Variants in LRGUK observed in about 807,000 individuals in gnomAD.
LRGUK encodes leucine-rich repeat and guanylate kinase domain-containing protein.
In LRGUK, 65 loss-of-function variants were observed where a neutral mutation model predicts 76.0. The ratio of observed to expected loss-of-function variants is 0.85; its 90% CI spans 0.70 to 1.05. The LOEUF is 1.05. Ranked by LOEUF, LRGUK falls within the 50% of genes least tolerant of loss-of-function variation. The probability of loss-of-function intolerance (pLI) is 0.00; values close to 1 mark genes in which losing one functional copy is unlikely to be tolerated. For missense variants in LRGUK, 758 were observed against 732.8 expected, an observed-to-expected ratio of 1.03 and a Z score of -0.40; for synonymous variants, 268 against 265.6, an observed-to-expected ratio of 1.01 and a Z score of -0.09.
intron 15 of LRGUK, 25 bp downstream of exon 15, chr7:134,201,601 A>G: frequency 1.3e-6 from 2 of 1,560,816 alleles, no homozygotes; most frequent in Non-Finnish European, 1.7e-6. Flanking sequence ...TTTTTGTGCC[A>G]GGATTTTTTT....
intron 16 of LRGUK, among the ~76,000 whole-genome samples, chr7:134,226,217 AATGTGTGTGTGTGT>A (rs1447459902): frequency 2.2e-5 from 2 of 92,180 alleles, no homozygotes; most frequent in Non-Finnish European, 4.0e-5. Flanking sequence ...TCCCATCTCC[AATGTGTGTGTGTGT>A]GTGTGTGTGT....
In LRGUK at chr7:134,186,434, C is replaced by G. The variant is rs550830512; in HGVS notation, c.1334+2581C>G. On this transcript the variant is annotated intron_variant, in intron 11 of 15. Coordinates refer to ENST00000645682, the Ensembl canonical transcript of LRGUK. ...CAGGGCGCATGTCAGCCTTGTTCAC[C>G]ATTGAGTTCTCAATATCCAGTATAT... Among the ~76,000 whole-genome samples, 5 of 152,326 alleles carry G rather than the reference C, an allele frequency of 3.3e-5. No homozygotes were observed. The East Asian group carries it at 9.7e-4, about 29-fold the overall frequency.
At chr7:134,263,770 A>G (rs1802801160) in intron 19 of LRGUK, 75 bp from the exon 20 acceptor site, 4 of 1,381,480 alleles carry the variant, frequency 2.9e-6, no homozygotes, top group Non-Finnish European at 3.9e-6. Context: ...TCTGGTGCTT[A>G]TATCATGCAA....
chr7:134,167,177 C>G (rs1185951513), intron 7 of LRGUK, among the ~76,000 whole-genome samples: 1 of 152,182 alleles, frequency 6.6e-6, no homozygotes, highest in African/African-American at 2.4e-5. Context: ...TCTTTGGCCT[C>G]CTTACACCCA....
intron 4 of LRGUK, 30 bp downstream of exon 4, chr7:134,143,192 T>G: frequency 7.5e-7 from 1 of 1,326,376 alleles, no homozygotes; most frequent in South Asian, 1.2e-5. Context: ...TAATTACACA[T>G]TAAGGGGTTT....
chr7:134,156,057 A>T lies in LRGUK; in HGVS notation c.671-1978A>T, dbSNP rs529589419. On this transcript the variant is annotated intron_variant, in intron 5 of 15. Transcript: ENST00000645682. ...TTGCAAAATTGCCTCTAAAGTGGCT[A>T]TATCATAATGAACTCTCTCAGTAGT... 2.0e-5 allele frequency among the ~76,000 whole-genome samples: 3 copies of T among 152,336 alleles called. No homozygotes were observed. The East Asian group carries it at 5.8e-4, about 29-fold the overall frequency.
chr7:134,235,735 A>G (rs916924898), intron 16 of LRGUK, among the ~76,000 whole-genome samples: 1 of 152,208 alleles, frequency 6.6e-6, no homozygotes, highest in Non-Finnish European at 1.5e-5. Flanking sequence ...TGTTGAATGA[A>G]TGAAGGAACA....
intron 2 of LRGUK, among the ~76,000 whole-genome samples, chr7:134,137,858 A>G (rs934340266): frequency 1.3e-5 from 2 of 152,066 alleles, no homozygotes; most frequent in African/African-American, 4.8e-5. Context: ...CATATGAGAA[A>G]AAAAAAACGC....
intron 16 of LRGUK, among the ~76,000 whole-genome samples, chr7:134,231,484 C>T (rs1469963222): frequency 6.7e-6 from 1 of 149,978 alleles, no homozygotes; most frequent in African/African-American, 2.5e-5. Flanking sequence ...TGTTTCCTCC[C>T]TCCATTCCTT....
chr7:134,205,040 G>T (rs541221421), intron 15 of LRGUK, among the ~76,000 whole-genome samples: 2 of 152,220 alleles, frequency 1.3e-5, no homozygotes, highest in African/African-American at 4.8e-5. Context: ...TGTTAACAGC[G>T]AAAGGACAAA....
chr7:134,147,556 C>T (rs118093925), intron 4 of LRGUK, among the ~76,000 whole-genome samples: 1 of 152,054 alleles, frequency 6.6e-6, no homozygotes, highest in East Asian at 1.9e-4. Context: ...ATACAGGTTA[C>T]TGGGCAGTAG....
chr7:134,211,458 C>T (rs1801267380), downstream of LRGUK, among the ~76,000 whole-genome samples: 1 of 152,210 alleles, frequency 6.6e-6, no homozygotes, highest in South Asian at 2.1e-4. Context: ...GACAGGAAGA[C>T]TTTGCTGTTC....
intron 15 of LRGUK, among the ~76,000 whole-genome samples, chr7:134,215,656 T>A (rs1355989880): frequency 6.6e-6 from 1 of 152,132 alleles, no homozygotes; most frequent in Non-Finnish European, 1.5e-5. Flanking sequence ...TCCTTGCCTT[T>A]TGCTCCATGA....
downstream of LRGUK, among the ~76,000 whole-genome samples, chr7:134,210,618 C>T (rs1471634490): frequency 2.6e-5 from 4 of 152,318 alleles, no homozygotes; most frequent in Non-Finnish European, 4.4e-5. Context: ...CAGGATAGCT[C>T]GGCTCCTGTG....
chr7:134,145,940 A>G (rs558671958), intron 4 of LRGUK, among the ~76,000 whole-genome samples: 4 of 152,300 alleles, frequency 2.6e-5, no homozygotes, highest in Admixed American at 6.5e-5. Flanking sequence ...CTAGGTTCCA[A>G]TGGGAGTCCA....
chr7:134,157,162 A>G (rs1277276203), intron 5 of LRGUK, among the ~76,000 whole-genome samples: 1 of 152,244 alleles, frequency 6.6e-6, no homozygotes, highest in Non-Finnish European at 1.5e-5. Flanking sequence ...GGCAGAGTTT[A>G]AGCCTCATTG....
chr7:134,254,183 ATTATTTTTTAAAT>A (rs1192562870), intron 18 of LRGUK, among the ~76,000 whole-genome samples: 1 of 152,202 alleles, frequency 6.6e-6, no homozygotes, highest in Non-Finnish European at 1.5e-5. Context: ...ATTTTTTAAA[ATTATTTTTTAAAT>A]GGTGCAAACA....
chr7:134,222,969 T>C (rs1024348194), intron 16 of LRGUK, among the ~76,000 whole-genome samples: 2 of 152,186 alleles, frequency 1.3e-5, no homozygotes, highest in Non-Finnish European at 2.9e-5. Flanking sequence ...GTCAAAAGAA[T>C]CAGACTGATT....
In LRGUK at chr7:134,187,004, T is replaced by C. The variant is rs140771583; in HGVS notation, c.1334+3151T>C. Reference sequence around the variant, plus strand: ...GCACCATCCAACTGTTCACTGTCATTCTCATGAAGGCAGAGGTCAAGGTTT... The same window carrying C: ...GCACCATCCAACTGTTCACTGTCATCCTCATGAAGGCAGAGGTCAAGGTTT... On this transcript the variant is annotated intron_variant, in intron 11 of 15. Transcript: ENST00000645682. 2.2e-3 allele frequency among the ~76,000 whole-genome samples: 342 copies of C among 152,290 alleles called. 2 individuals carry two copies. Among genetic ancestry groups the C allele is most frequent in the African/African-American group, 7.9e-3 (327 of 41,570 alleles).
Sources: allele counts gnomAD v4.1 joint callset (sites outside exome capture counted in the v4.1 genomes callset), GRCh38; gene constraint gnomAD v4.1.1; transcripts MANE v1.5; gene names NCBI Gene and HGNC (gene_info 2026-07-23, HGNC 2026-07-21).